ITPRID2: variants seen among roughly 807,000 people sequenced by gnomAD.
The protein encoded by ITPRID2 is ITPR interacting domain containing 2, also known as protein ITPRID2.
In ITPRID2, 60 loss-of-function variants were observed where a neutral mutation model predicts 124.3. The ratio of observed to expected loss-of-function variants is 0.48; its 90% confidence interval spans 0.39 to 0.60. The LOEUF (loss-of-function observed/expected upper bound fraction) is 0.60. ITPRID2 is among the 20% of genes least tolerant of loss of function. ITPRID2 has a pLI of 0.00. For missense variants in ITPRID2, 1,553 were observed against 1,512.2 expected (o/e 1.03, Z -0.45); for synonymous variants, 521 against 542.9 (o/e 0.96, Z 0.56).
At position 181,892,388 on chromosome 2, in the gene ITPRID2, G is replaced by A; in HGVS notation, c.211+111G>A. The stretch of plus-strand genomic sequence containing the variant: ...GAGAGCCTCGGGCACGGTAGGCCGA[G>A]GGGAGAGGGGACACTTCCGACCTTC... On this transcript the variant is annotated intron_variant, in intron 1 of 17. Coordinates refer to ENST00000431877, the MANE Select transcript of ITPRID2 (RefSeq NM_001130445.3). The surrounding 1 kb of genome is among the most constrained non-coding windows in gnomAD (Gnocchi z 5.2). 1 of 1,292,922 alleles carries A rather than the reference G, an allele frequency of 7.7e-7. No homozygotes were observed. Among genetic ancestry groups the A allele is most frequent in the Non-Finnish European group, 1.0e-6 (1 of 953,250 alleles). The allele number at this position is 1,292,922 out of a possible 1,614,324, so 80.1% of individuals were successfully genotyped here. A position where few individuals can be genotyped will look rare whatever the true frequency, so the allele number is the denominator to read the frequency against.
rs1694002788 is a variant in ITPRID2, at chr2:181,915,954, A to G, written c.2314A>G (p.Thr772Ala). Residue 772 changes from threonine to alanine, a missense_variant, in exon 11 of 18, where the codon ACC (threonine) becomes GCC (alanine). Coordinates refer to ENST00000431877, the MANE Select transcript of ITPRID2 (RefSeq NM_001130445.3). ...KETRCSPPSFTYKYTPEEEQE... is the reference protein window; with the variant it reads ...KETRCSPPSFAYKYTPEEEQE... The stretch of plus-strand genomic sequence containing the variant: ...GACCAGATGCAGCCCACCTTCCTTC[A>G]CCTATAAGTACACACCTGAAGAGGA... 1.9e-6 allele frequency: 3 copies of G among 1,614,028 alleles called. No homozygotes were observed. Among genetic ancestry groups the G allele is most frequent in the Non-Finnish European group, 2.5e-6 (3 of 1,180,044 alleles).
Position 181,929,719 on chromosome 2 carries a change from A to G in ITPRID2, c.*172A>G. 2 of 1,200,192 alleles carry G rather than the reference A, an allele frequency of 1.7e-6. No homozygotes were observed. The highest frequency in any genetic ancestry group is 1.6e-5 in the South Asian group (1 of 62,074). The allele number at this position is 1,200,192 out of a possible 1,614,324, so 74.3% of individuals were successfully genotyped here. A position where few individuals can be genotyped will look rare whatever the true frequency, so the allele number is the denominator to read the frequency against. On this transcript the variant is annotated 3_prime_UTR_variant, in exon 18 of 18. Transcript: ENST00000431877. ...TCAACCATATATTTTAAAAAGACGT[A>G]CATAGAAACTTAGGCACTTTGCTAT...
In ITPRID2 at chr2:181,906,082, A is replaced by G. The variant is rs138255361; in HGVS notation, c.1413+3616A>G. Among the ~76,000 whole-genome samples, 42 of 152,328 alleles carry G rather than the reference A, an allele frequency of 2.8e-4. 1 individual carries two copies. In the East Asian group the frequency reaches 7.9e-3, roughly 29 times the overall value. On this transcript the variant is annotated intron_variant, in intron 8 of 17. Coordinates refer to ENST00000431877, the MANE Select transcript of ITPRID2 (RefSeq NM_001130445.3). ...TTTTTGTGTGTATGTGTAAAACTCG[A>G]TAGTATTTGTTTAAGATAAACATTT...
chr2:181,891,770 G>C lies in ITPRID2; in HGVS notation c.-297G>C, dbSNP rs1027432310. 16 of 186,298 alleles carry C rather than the reference G, an allele frequency of 8.6e-5. No individual in the cohort carries two copies. The highest frequency in any genetic ancestry group is 9.9e-5 in the Non-Finnish European group (9 of 91,286). The allele number at this position is 186,298 out of a possible 1,614,324, so 11.5% of individuals were successfully genotyped here. ...GGCCTGCTCCGGGCGCGTCAGGCAG[G>C]GGGTGGGGAGCAGGGGCCGGGCGGG... On this transcript the variant is annotated 5_prime_UTR_variant, in exon 1 of 18. Transcript: ENST00000431877.
At position 181,915,997 on chromosome 2, in the gene ITPRID2, G is replaced by A. The variant is rs867145815; in HGVS notation, c.2357G>A (p.Arg786Gln). 4.3e-6 allele frequency: 7 copies of A among 1,614,042 alleles called. No homozygotes were observed. The highest frequency in any genetic ancestry group is 4.5e-5 in the East Asian group (2 of 44,896). ...TPEEEQELEK[R>Q]VMEHDGQSLV... is the part of the protein sequence containing the mutation. ...GAAGAGGAGCAGGAATTGGAAAAGC[G>A]GGTGATGGAACATGATGGTCAGTCT... The change falls in exon 11 of 18, where the codon CGG (arginine) becomes CAG (glutamine). Residue 786 changes from arginine (R) to glutamine (Q), a missense_variant. Physicochemically the swap from Arg to Gln is conservative, Grantham distance 43. Transcript: ENST00000431877.
rs1373323107 is a variant in ITPRID2 at position 181,905,071 on chromosome 2, T to G, written c.1413+2605T>G. On this transcript the variant is annotated intron_variant, in intron 8 of 17. Coordinates refer to ENST00000431877, the MANE Select transcript of ITPRID2 (RefSeq NM_001130445.3). The surrounding 1 kb of genome is among the most constrained non-coding windows in gnomAD (Gnocchi z 4.1). ...ATGTTTTTTCTTTTTTTTTTTTTTT[T>G]GAGACGGAGTCGCGCATTGTCACCC... Among the ~76,000 whole-genome samples, 1 of 150,832 alleles carries G rather than the reference T, an allele frequency of 6.6e-6. No homozygotes were observed. The highest frequency in any genetic ancestry group is 1.5e-5 in the Non-Finnish European group (1 of 67,742).
intron 10 of ITPRID2, 115 bp downstream of exon 10, chr2:181,914,048 G>A: frequency 1.6e-6 from 1 of 644,684 alleles, no homozygotes; most frequent in Non-Finnish European, 2.6e-6. Flanking sequence ...TCAAGTGACA[G>A]AACAAAACTC....
intron 8 of ITPRID2, 119 bp from the exon 9 acceptor site, chr2:181,909,780 A>T (rs1019202418): frequency 1.7e-6 from 1 of 585,950 alleles, no homozygotes; most frequent in African/African-American, 1.9e-5. Flanking sequence ...GTTTGAATAT[A>T]TATATAATGT....
chr2:181,927,341 G>A (rs1694935986), intron 16 of ITPRID2, among the ~76,000 whole-genome samples: 1 of 152,170 alleles, frequency 6.6e-6, no homozygotes, highest in African/African-American at 2.4e-5. Context: ...CACATTTATA[G>A]CTTTCACAAA....
chr2:181,921,579 C>T (rs554915280), intron 15 of ITPRID2, among the ~76,000 whole-genome samples: 2 of 152,130 alleles, frequency 1.3e-5, no homozygotes. Flanking sequence ...AACATGACCA[C>T]GTTTTTAACA....
intron 8 of ITPRID2, among the ~76,000 whole-genome samples, chr2:181,908,711 T>C (rs1311924611): frequency 6.6e-6 from 1 of 152,204 alleles, no homozygotes; most frequent in Non-Finnish European, 1.5e-5. Context: ...AATTTTAAAT[T>C]GGGTAATACT....
At chr2:181,911,349 A>C (rs1300021285) in intron 9 of ITPRID2, among the ~76,000 whole-genome samples, 1 of 152,212 alleles carries the variant, frequency 6.6e-6, no homozygotes, top group Non-Finnish European at 1.5e-5. Context: ...TGAAATCAAA[A>C]TTATCTTAAT....
intron 16 of ITPRID2, among the ~76,000 whole-genome samples, chr2:181,927,574 AG>A (rs1360049246): frequency 6.6e-6 from 1 of 152,184 alleles, no homozygotes; most frequent in Non-Finnish European, 1.5e-5. Flanking sequence ...CTAAAGAAAA[AG>A]TTATTTCTTT....
At chr2:181,909,848 C>T (rs780669515) in intron 8 of ITPRID2, 51 bp from the exon 9 acceptor site, 1 of 1,373,014 alleles carries the variant, frequency 7.3e-7, no homozygotes, top group South Asian at 1.2e-5. Flanking sequence ...AGAAGTTATA[C>T]TTGTTTGCCT....
At chr2:181,924,623 A>G (rs1486285189) in intron 16 of ITPRID2, among the ~76,000 whole-genome samples, 1 of 152,228 alleles carries the variant, frequency 6.6e-6, no homozygotes, top group Admixed American at 6.5e-5. Flanking sequence ...GATGCATGAA[A>G]ACAATGGTAT....
rs1452084542 is a variant in ITPRID2 at position 181,922,129 on chromosome 2, C to G, written c.3392C>G (p.Ser1131Cys). ...SHANRRTGVPSTASVGKSKTP... is the reference protein window; with the variant it reads ...SHANRRTGVPCTASVGKSKTP... Reference sequence around the variant, plus strand: ...GCTAACAGAAGAACTGGAGTACCTTCTACTGCCTCAGTGGGCAAATCCAAA... The same window carrying G: ...GCTAACAGAAGAACTGGAGTACCTTGTACTGCCTCAGTGGGCAAATCCAAA... Residue 1131 changes from serine to cysteine, a missense_variant, in exon 16 of 18, where the codon TCT (serine) becomes TGT (cysteine). By Grantham distance (112) the Ser-to-Cys change is moderately radical. Transcript: ENST00000431877. 3.7e-6 allele frequency: 6 copies of G among 1,614,254 alleles called. No individual in the cohort carries two copies. The highest frequency in any genetic ancestry group is 5.1e-6 in the Non-Finnish European group (6 of 1,180,046).
intron 11 of ITPRID2, chr2:181,918,374 C>T: frequency 7.7e-6 from 10 of 1,300,300 alleles, no homozygotes; most frequent in Non-Finnish European, 9.8e-6. Context: ...TGTTCCTTCG[C>T]CTCCTCCTCC....
At chr2:181,913,155 C>G (rs1328717868) in intron 9 of ITPRID2, among the ~76,000 whole-genome samples, 1 of 152,120 alleles carries the variant, frequency 6.6e-6, no homozygotes, top group East Asian at 1.9e-4. Flanking sequence ...GCAACCTCCA[C>G]CTCCCAGGTT....
rs1691821602 is a variant in ITPRID2, at chr2:181,892,529, AT to A, written c.212-82del. 6.5e-7 allele frequency: 1 copy of A among 1,546,064 alleles called. No individual in the cohort carries two copies. Among genetic ancestry groups the A allele is most frequent in the African/African-American group, 1.4e-5 (1 of 73,454 alleles). On this transcript the variant is annotated intron_variant, in intron 1 of 17. Transcript: ENST00000431877. The surrounding 1 kb of genome is among the most constrained non-coding windows in gnomAD (Gnocchi z 5.2). ...GCTTAGGCTGCATTTGCCGTGGTAG[AT>A]TTTCCTACTTGGGAGGGTCCAGGGT...
Sources: allele counts gnomAD v4.1 joint callset (sites outside exome capture counted in the v4.1 genomes callset), GRCh38; gene constraint gnomAD v4.1.1; non-coding constraint Gnocchi (gnomAD v3.1); transcripts MANE v1.5; gene names NCBI Gene and HGNC (gene_info 2026-07-23, HGNC 2026-07-21).